Variants in CCDC85A observed in about 807,000 individuals in gnomAD.
CCDC85A encodes the protein coiled-coil domain containing 85A.
CCDC85A carries 38 observed loss-of-function variants against 50.2 expected under a neutral mutation model. That is an observed-to-expected ratio of 0.76 (90% CI 0.58 to 0.99). The LOEUF (loss-of-function observed/expected upper bound fraction) is 0.99, where lower values mean the gene tolerates loss of function less well. Ranked by LOEUF, CCDC85A falls within the 50% of genes least tolerant of loss-of-function variation. The pLI, the probability that CCDC85A is intolerant of heterozygous loss-of-function variation, is 0.00. For synonymous variants in CCDC85A, 366 were observed against 301.4 expected, an observed-to-expected ratio of 1.21 and a Z score of -2.22; for missense variants, 820 against 742.0, an observed-to-expected ratio of 1.11 and a Z score of -1.22.
At chr2:56,324,101 A>T (rs1673350855) in intron 2 of CCDC85A, among the ~76,000 whole-genome samples, 1 of 152,136 alleles carries the variant, frequency 6.6e-6, no homozygotes, top group African/African-American at 2.4e-5. Flanking sequence ...GACAAACTGC[A>T]AATTAAAAAC....
intron 2 of CCDC85A, among the ~76,000 whole-genome samples, chr2:56,251,975 C>T (rs908686795): frequency 1.3e-5 from 2 of 151,290 alleles, no homozygotes; most frequent in Non-Finnish European, 2.9e-5. Flanking sequence ...ATAGTCTGTG[C>T]TATTCAGTTT....
chr2:56,289,429 T>C (rs1243630625), intron 2 of CCDC85A, among the ~76,000 whole-genome samples: 1 of 152,168 alleles, frequency 6.6e-6, no homozygotes, highest in African/African-American at 2.4e-5. Context: ...ATGAAAGGCA[T>C]CTGAGCCAAG....
Position 56,184,679 on chromosome 2 carries a change from T to G in CCDC85A, c.55T>G (p.Ser19Ala). The G allele has an allele frequency of 1.3e-6, 2 of 1,485,038 alleles. No individual in the cohort carries two copies. Among genetic ancestry groups the G allele is most frequent in the Non-Finnish European group, 1.8e-6 (2 of 1,125,918 alleles). 92.0% of individuals were successfully genotyped at this position (1,485,038 alleles called of 1,614,324 possible). Reference protein sequence around the residue: ...AAAAAAAESCSPAPAGSSAAP... With the variant: ...AAAAAAAESCAPAPAGSSAAP... The stretch of plus-strand genomic sequence containing the variant: ...GGCTGCGGCGGCGGCGGAAAGTTGT[T>G]CCCCAGCCCCGGCCGGCTCGTCCGC... The change falls in exon 1 of 6, where the codon TCC becomes GCC. Residue 19 changes from serine to alanine, a missense_variant. By Grantham distance (99) the Ser-to-Ala change is moderately conservative (BLOSUM62 1). Transcript: ENST00000407595.
At chr2:56,213,861 A>G (rs565629088) in intron 2 of CCDC85A, among the ~76,000 whole-genome samples, 24 of 152,016 alleles carry the variant, frequency 1.6e-4, no homozygotes, top group Non-Finnish European at 3.1e-4. Context: ...TCTCATAAAT[A>G]TGACATGATT....
intron 2 of CCDC85A, among the ~76,000 whole-genome samples, chr2:56,202,912 G>A (rs747607241): frequency 9.2e-5 from 14 of 152,272 alleles, no homozygotes; most frequent in African/African-American, 1.4e-4. Context: ...TCATATCTGC[G>A]GATGATGGAT....
intron 2 of CCDC85A, among the ~76,000 whole-genome samples, chr2:56,293,111 C>T (rs1373100868): frequency 6.6e-6 from 1 of 152,136 alleles, no homozygotes; most frequent in Non-Finnish European, 1.5e-5. Context: ...TGGCTGGCAG[C>T]TTTGATAGAA....
At chr2:56,296,859 C>CT (rs897820653) in intron 2 of CCDC85A, among the ~76,000 whole-genome samples, 2 of 152,048 alleles carry the variant, frequency 1.3e-5, no homozygotes, top group Non-Finnish European at 2.9e-5. Context: ...GAAATGCCTA[C>CT]TTTTTTCATG....
intron 2 of CCDC85A, among the ~76,000 whole-genome samples, chr2:56,237,188 C>G (rs1218903162): frequency 1.3e-5 from 2 of 152,120 alleles, no homozygotes; most frequent in African/African-American, 2.4e-5. Flanking sequence ...TGTGAAGAGT[C>G]ACTCACTCAG....
intron 2 of CCDC85A, among the ~76,000 whole-genome samples, chr2:56,341,745 A>G (rs781563373): frequency 3.3e-5 from 5 of 152,226 alleles, no homozygotes; most frequent in Non-Finnish European, 7.3e-5. Context: ...TTGTGAAGAA[A>G]TGAAAAAAAT....
At chr2:56,212,228 T>C (rs1310891304) in intron 2 of CCDC85A, among the ~76,000 whole-genome samples, 1 of 152,092 alleles carries the variant, frequency 6.6e-6, no homozygotes, top group African/African-American at 2.4e-5. Flanking sequence ...TTTTGTGGCA[T>C]TCCATAGTAT....
At position 56,193,061 on chromosome 2, in the gene CCDC85A, G is replaced by A. The variant is rs546420630; in HGVS notation, c.861G>A (p.Lys287=). ...CGGAGCACCACAAACCCTTGTGCAA[G>A]GGCAGCCCCGAACAGCAAAGGCACC... ...PSPEHHKPLC[K]GSPEQQRHPH... The change falls in exon 2 of 6, where the codon AAG becomes AAA. Residue 287 remains lysine (K), a synonymous_variant. Coordinates refer to ENST00000407595, the MANE Select transcript of CCDC85A (RefSeq NM_001080433.2). 14 of 1,612,844 alleles carry A rather than the reference G, an allele frequency of 8.7e-6. No homozygotes were observed. Among genetic ancestry groups the A allele is most frequent in the African/African-American group, 1.3e-5 (1 of 74,568 alleles).
At chr2:56,383,286 C>T (rs1353570993) in intron 5 of CCDC85A, among the ~76,000 whole-genome samples, 1 of 151,912 alleles carries the variant, frequency 6.6e-6, no homozygotes, top group African/African-American at 2.4e-5. Flanking sequence ...AATGAACAAA[C>T]TAGTTTTGTG....
At chr2:56,297,998 C>T (rs1672032499) in intron 2 of CCDC85A, among the ~76,000 whole-genome samples, 1 of 152,150 alleles carries the variant, frequency 6.6e-6, no homozygotes, top group Non-Finnish European at 1.5e-5. Context: ...GCTATGATTC[C>T]TGGCAGTGCC....
In CCDC85A at chr2:56,296,559, G is replaced by C. The variant is rs539881056; in HGVS notation, c.1241-46320G>C. 4.6e-5 allele frequency among the ~76,000 whole-genome samples: 7 copies of C among 152,030 alleles called. No homozygotes were observed. The East Asian group carries it at 5.8e-4, about 13-fold the overall frequency. On this transcript the variant is annotated intron_variant, in intron 2 of 5. Transcript: ENST00000407595. ...TTTTTCCTTTCTAGAGTAGGGAAAG[G>C]AATTTTGGCGGCTTTTGATGTTTGA...
intron 3 of CCDC85A, among the ~76,000 whole-genome samples, chr2:56,364,630 T>C (rs1675697951): frequency 6.6e-6 from 1 of 152,246 alleles, no homozygotes; most frequent in Non-Finnish European, 1.5e-5. Flanking sequence ...GATGAAAGAG[T>C]TAGATCTATT....
intron 5 of CCDC85A, among the ~76,000 whole-genome samples, chr2:56,378,977 CT>C (rs567248322): frequency 9.9e-4 from 151 of 152,226 alleles, no homozygotes; most frequent in African/African-American, 3.4e-3. Context: ...TTATTTTCTC[CT>C]TTTGTAGTAT....
intron 2 of CCDC85A, among the ~76,000 whole-genome samples, chr2:56,268,372 G>A (rs1670544455): frequency 1.3e-5 from 2 of 152,044 alleles, no homozygotes; most frequent in Non-Finnish European, 2.9e-5. Context: ...CCAGCACTTT[G>A]GGCTGACGTC....
At chr2:56,225,053 A>C (rs1226325324) in intron 2 of CCDC85A, among the ~76,000 whole-genome samples, 1 of 150,400 alleles carries the variant, frequency 6.6e-6, no homozygotes, top group Non-Finnish European at 1.5e-5. Context: ...TTATAGTTTT[A>C]GTTATTATAG....
chr2:56,308,459 T>C (rs1255470355), intron 2 of CCDC85A, among the ~76,000 whole-genome samples: 1 of 152,222 alleles, frequency 6.6e-6, no homozygotes, highest in Non-Finnish European at 1.5e-5. Context: ...AGATGAGCTT[T>C]CTTTTGGATT....
Sources: allele counts gnomAD v4.1 joint callset (sites outside exome capture counted in the v4.1 genomes callset), GRCh38; gene constraint gnomAD v4.1.1; transcripts MANE v1.5; gene names NCBI Gene and HGNC (gene_info 2026-07-23, HGNC 2026-07-21).